Variants in FGF13 observed in about 807,000 individuals in gnomAD.
The protein encoded by FGF13 is fibroblast growth factor homologous factor 2.
In FGF13, 2 loss-of-function variants were observed where a neutral mutation model predicts 19.5. That is an observed-to-expected ratio of 0.10 (90% CI 0.04 to 0.32). The LOEUF (loss-of-function observed/expected upper bound fraction) is 0.32, where lower values mean the gene tolerates loss of function less well. FGF13 is among the 10% of genes least tolerant of loss of function. The pLI is 1.00. For synonymous variants in FGF13, 72 were observed against 76.9 expected (o/e 0.94, Z 0.33); for missense variants, 113 against 192.7 (o/e 0.59, Z 2.45).
intron 3 of FGF13, among the ~76,000 whole-genome samples, chrX:138,663,630 T>C (rs1408707222): frequency 8.9e-6 from 1 of 111,746 alleles, no homozygotes; most frequent in East Asian, 2.8e-4. Context: ...AAATGAATCA[T>C]CATTGACTAC....
intron 1 of FGF13, among the ~76,000 whole-genome samples, chrX:139,071,660 C>T (rs2092376947): frequency 9.0e-6 from 1 of 111,386 alleles, no homozygotes; most frequent in Non-Finnish European, 1.9e-5. Context: ...ACAGTCCACC[C>T]TATAATAGTA....
chrX:139,197,919 G>A (rs1369446427), intron 1 of FGF13, among the ~76,000 whole-genome samples: 2 of 104,160 alleles, frequency 1.9e-5, no homozygotes, highest in African/African-American at 7.1e-5. Flanking sequence ...ACTTGAACCT[G>A]GGAGGCGGAG....
At chrX:138,850,254 GC>G (rs1569410945) in intron 3 of FGF13, among the ~76,000 whole-genome samples, 1 of 111,688 alleles carries the variant, frequency 9.0e-6, no homozygotes, top group Non-Finnish European at 1.9e-5. Context: ...TGAATTACTG[GC>G]TACTATACAT....
intron 1 of FGF13, among the ~76,000 whole-genome samples, chrX:139,094,799 T>C (rs1032116848): frequency 1.1e-4 from 12 of 112,143 alleles, no homozygotes; most frequent in African/African-American, 3.9e-4. Flanking sequence ...CCCACTCTGC[T>C]ATGTGACTCT....
At chrX:138,829,523 T>C (rs928901820) in intron 3 of FGF13, among the ~76,000 whole-genome samples, 2 of 111,645 alleles carry the variant, frequency 1.8e-5, no homozygotes, top group African/African-American at 6.5e-5. Context: ...ATGCTTCTTG[T>C]TCAGGCAGAA....
chrX:138,871,593 G>A (rs1043824380), intron 1 of FGF13, among the ~76,000 whole-genome samples: 1 of 112,372 alleles, frequency 8.9e-6, no homozygotes, highest in African/African-American at 3.2e-5. Flanking sequence ...TGCTATTGCA[G>A]TATAATTCAG....
chrX:139,054,865 T>TTGTGC (rs2092315564), intron 1 of FGF13, among the ~76,000 whole-genome samples: 1 of 87,783 alleles, frequency 1.1e-5, no homozygotes, highest in African/African-American at 4.9e-5. Flanking sequence ...TTCCTAAGTG[T>TTGTGC]TGTGTTGTGT....
chrX:138,759,817 C>T lies in FGF13; in HGVS notation c.218-50889G>A, dbSNP rs149077015. Among the ~76,000 whole-genome samples the T allele has an allele frequency of 3.6e-4, 40 of 111,990 alleles. No individual in the cohort carries two copies. In the East Asian group the frequency reaches 0.011, roughly 30 times the overall value. ...GGAGCTGTGTAGGCTTGTTGTGAGG[C>T]TAGAGCAGTAAAGCAGCTGACACAT... On this transcript the variant is annotated intron_variant, in intron 3 of 6. Coordinates refer to the FGF13 transcript ENST00000436198.
intron 1 of FGF13, among the ~76,000 whole-genome samples, chrX:139,175,311 T>C (rs1163224327): frequency 1.8e-5 from 2 of 112,209 alleles, no homozygotes; most frequent in African/African-American, 6.5e-5. Flanking sequence ...AAGGATGGGG[T>C]TGTCTAATCT....
intron 1 of FGF13, among the ~76,000 whole-genome samples, chrX:139,127,918 C>T (rs147884086): frequency 1.8e-5 from 2 of 110,799 alleles, no homozygotes; most frequent in Non-Finnish European, 3.8e-5. Flanking sequence ...TAGAACCTCA[C>T]CCTCCTTTGA....
At chrX:138,977,886 C>G (rs1283171129) in intron 1 of FGF13, among the ~76,000 whole-genome samples, 1 of 111,948 alleles carries the variant, frequency 8.9e-6, no homozygotes, top group African/African-American at 3.2e-5. Context: ...CTGTGCTGGC[C>G]AAAATGTTAG....
intron 3 of FGF13, among the ~76,000 whole-genome samples, chrX:138,678,773 C>G (rs934336112): frequency 3.6e-5 from 4 of 111,948 alleles, no homozygotes; most frequent in African/African-American, 1.3e-4. Context: ...GTACCCTCAA[C>G]CAAATTAAAC....
intron 3 of FGF13, among the ~76,000 whole-genome samples, chrX:138,790,247 A>G (rs1418936129): frequency 9.3e-6 from 1 of 107,014 alleles, no homozygotes. Flanking sequence ...CATGGGGGAA[A>G]GAGAACTAGC....
At chrX:138,824,896 C>T (rs1450258904) in intron 3 of FGF13, among the ~76,000 whole-genome samples, 8 of 111,782 alleles carry the variant, frequency 7.2e-5, no homozygotes, top group African/African-American at 2.6e-4. Context: ...CTGTTCAATT[C>T]GTGCGTAAGA....
intron 1 of FGF13, among the ~76,000 whole-genome samples, chrX:138,902,470 C>T (rs1386108943): frequency 7.1e-5 from 8 of 111,942 alleles, no homozygotes; most frequent in Non-Finnish European, 1.3e-4. Flanking sequence ...CACCCCTTAA[C>T]GTTTTCCTTT....
At chrX:138,739,163 A>G in intron 1 of FGF13, 1 of 616,320 alleles carries the variant, frequency 1.6e-6, no homozygotes, top group Non-Finnish European at 2.7e-6. Flanking sequence ...TAATTTTGTT[A>G]ATTTCTACAA....
At chrX:138,734,246 C>G (rs1210270669) in intron 1 of FGF13, among the ~76,000 whole-genome samples, 1 of 111,679 alleles carries the variant, frequency 9.0e-6, no homozygotes, top group East Asian at 2.8e-4. Flanking sequence ...AAGTTCCCAG[C>G]CAGTAGTAGT....
chrX:138,708,899 G>T lies in FGF13; in HGVS notation c.217C>A (p.Leu73Ile), dbSNP rs370232938. ...AAGTGGTAGCCTTGTCGGCTGTATA[G>T]CTTGGTAACTATACCCTTAAGCTGA... ...EPQLKGIVTK[L>I]YSRQGYHLQL... is the part of the protein sequence containing the mutation. The change falls in exon 2 of 5, where the codon CTA (leucine) becomes ATA (isoleucine). Residue 73 changes from leucine (L) to isoleucine (I), a missense_variant. Physicochemically the swap from Leu to Ile is conservative, Grantham distance 5. Transcript: ENST00000315930. The T allele has an allele frequency of 1.7e-6, 2 of 1,203,931 alleles. No homozygotes were observed. Among genetic ancestry groups the T allele is most frequent in the Non-Finnish European group, 2.2e-6 (2 of 889,034 alleles).
chrX:139,057,845 T>C (rs2092324724), intron 1 of FGF13, among the ~76,000 whole-genome samples: 1 of 112,166 alleles, frequency 8.9e-6, no homozygotes, highest in South Asian at 3.7e-4. Flanking sequence ...ATCAAATTAA[T>C]GATATTAAAA....
Sources: gnomAD v4.1 joint callset for allele counts (sites outside exome capture counted in the v4.1 genomes callset) on GRCh38, gnomAD v4.1.1 for gene constraint, MANE v1.5 for transcripts, NCBI Gene and HGNC (gene_info 2026-07-23, HGNC 2026-07-21) for gene names.